The following DGKB variants were observed in gnomAD, a reference collection of about 807,000 sequenced individuals.
The protein encoded by DGKB is 90 kDa diacylglycerol kinase.
A neutral mutation model predicts 114.3 loss-of-function variants in DGKB; 67 were observed. That is an observed-to-expected ratio of 0.59 (90% CI 0.48 to 0.72). DGKB has a LOEUF of 0.72. Among genes scored for constraint, DGKB ranks in the 30% least tolerant of loss-of-function variants. The pLI is 0.00. For synonymous variants in DGKB, 398 were observed against 323.1 expected (o/e 1.23, Z -2.49); for missense variants, 907 against 975.2 (o/e 0.93, Z 0.93).
chr7:14,889,945 T>C (rs181842207), intron 1 of DGKB, among the ~76,000 whole-genome samples: 144 of 151,648 alleles, frequency 9.5e-4, no homozygotes, highest in Middle Eastern at 6.8e-3. Flanking sequence ...CAGAAATACA[T>C]TAACCCCTTT....
At chr7:14,428,262 C>A (rs1827884273) in intron 21 of DGKB, among the ~76,000 whole-genome samples, 1 of 151,970 alleles carries the variant, frequency 6.6e-6, no homozygotes, top group African/African-American at 2.4e-5. Flanking sequence ...GTTCTCTGAG[C>A]CCCTTATTAC....
At chr7:14,363,610 G>A (rs774442306) in intron 21 of DGKB, among the ~76,000 whole-genome samples, 3 of 151,958 alleles carry the variant, frequency 2.0e-5, no homozygotes, top group Non-Finnish European at 2.9e-5. Context: ...AGTGGGTTAC[G>A]GTTAGGTATT....
intron 21 of DGKB, among the ~76,000 whole-genome samples, chr7:14,409,982 A>G (rs916316184): frequency 3.3e-5 from 5 of 152,094 alleles, no homozygotes; most frequent in African/African-American, 1.2e-4. Context: ...TAAGGCTTCT[A>G]CTTAACAACA....
intron 25 of DGKB, among the ~76,000 whole-genome samples, chr7:14,152,715 A>T (rs562177820): frequency 6.0e-4 from 91 of 152,252 alleles, no homozygotes; most frequent in African/African-American, 2.1e-3. Flanking sequence ...GCACATATAG[A>T]AACCAGTAAC....
intron 14 of DGKB, among the ~76,000 whole-genome samples, chr7:14,629,230 T>G (rs1177196990): frequency 6.6e-6 from 1 of 152,080 alleles, no homozygotes; most frequent in Non-Finnish European, 1.5e-5. Flanking sequence ...CATCTCTATT[T>G]TATAATAATA....
chr7:14,181,886 T>TAAA (rs1782681815), intron 23 of DGKB, among the ~76,000 whole-genome samples: 1 of 152,186 alleles, frequency 6.6e-6, no homozygotes, highest in Non-Finnish European at 1.5e-5. Context: ...ATTAGGTATT[T>TAAA]TCACATTTAA....
At chr7:14,948,092 G>A (rs911584944) in intron 1 of DGKB, among the ~76,000 whole-genome samples, 9 of 151,574 alleles carry the variant, frequency 5.9e-5, no homozygotes, top group Non-Finnish European at 1.2e-4. Flanking sequence ...GAAGGGGGCC[G>A]TATCAACAAA....
intron 21 of DGKB, among the ~76,000 whole-genome samples, chr7:14,360,397 G>T (rs1364262362): frequency 6.6e-6 from 1 of 151,724 alleles, no homozygotes; most frequent in Non-Finnish European, 1.5e-5. Flanking sequence ...AGCTAACATG[G>T]CACATGTATA....
At chr7:14,882,375 AG>A (rs1356111700) in intron 1 of DGKB, among the ~76,000 whole-genome samples, 4 of 152,038 alleles carry the variant, frequency 2.6e-5, no homozygotes, top group African/African-American at 9.7e-5. Context: ...GGGATGAGGT[AG>A]GATTATAGAT....
At chr7:14,881,843 C>G (rs1562802486) in intron 1 of DGKB, among the ~76,000 whole-genome samples, 1 of 151,956 alleles carries the variant, frequency 6.6e-6, no homozygotes, top group African/African-American at 2.4e-5. Context: ...ATACCATAAC[C>G]TAAAGGTTAG....
At chr7:14,308,898 A>G (rs1158383392) in intron 23 of DGKB, among the ~76,000 whole-genome samples, 1 of 152,186 alleles carries the variant, frequency 6.6e-6, no homozygotes, top group Non-Finnish European at 1.5e-5. Flanking sequence ...TGAGTTAAAT[A>G]GTCTGAGTTT....
intron 23 of DGKB, among the ~76,000 whole-genome samples, chr7:14,280,123 A>C (rs2128452364): frequency 6.6e-6 from 1 of 151,628 alleles, no homozygotes; most frequent in African/African-American, 2.4e-5. Context: ...AAAAATTTAG[A>C]AGAATGTATA....
At chr7:14,934,567 C>T (rs36871) in intron 1 of DGKB, among the ~76,000 whole-genome samples, 151,090 of 152,266 alleles carry the variant, frequency 0.99, 74,963 homozygotes, top group East Asian at 1. Flanking sequence ...AGACAAGCAA[C>T]AAGAAATCAT....
chr7:14,754,608 G>T (rs557248208), intron 3 of DGKB, among the ~76,000 whole-genome samples: 1 of 151,948 alleles, frequency 6.6e-6, no homozygotes, highest in Admixed American at 6.6e-5. Flanking sequence ...TGCTAAACTG[G>T]TTTCCCCTCA....
intron 2 of DGKB, among the ~76,000 whole-genome samples, chr7:14,774,450 A>T (rs1266242985): frequency 6.6e-6 from 1 of 152,164 alleles, no homozygotes; most frequent in Non-Finnish European, 1.5e-5. Flanking sequence ...AATGTCAAAA[A>T]TCTTAGGTCT....
At chr7:14,950,602 G>A (rs1162819107) in intron 1 of DGKB, among the ~76,000 whole-genome samples, 1 of 151,848 alleles carries the variant, frequency 6.6e-6, no homozygotes, top group Non-Finnish European at 1.5e-5. Context: ...AAGGCAACAG[G>A]TTAAATCAAG....
At chr7:14,844,569 T>G (rs908238918) in intron 1 of DGKB, among the ~76,000 whole-genome samples, 1 of 152,250 alleles carries the variant, frequency 6.6e-6, no homozygotes, top group Admixed American at 6.5e-5. Flanking sequence ...TGTCAGTATC[T>G]TCATTGAGTT....
chr7:14,889,767 C>G (rs1780893513), intron 1 of DGKB, among the ~76,000 whole-genome samples: 1 of 151,318 alleles, frequency 6.6e-6, no homozygotes, highest in Admixed American at 6.6e-5. Context: ...TCCAAACTGA[C>G]AAAAACAAAA....
intron 6 of DGKB, among the ~76,000 whole-genome samples, chr7:14,707,560 A>C (rs1826518211): frequency 1.1e-5 from 1 of 93,026 alleles, no homozygotes; most frequent in Non-Finnish European, 2.2e-5. Context: ...TTGATGCAAA[A>C]ATCCTCAATA....
Sources: allele counts gnomAD v4.1 joint callset (sites outside exome capture counted in the v4.1 genomes callset), GRCh38; gene constraint gnomAD v4.1.1; transcripts MANE v1.5; gene names NCBI Gene and HGNC (gene_info 2026-07-23, HGNC 2026-07-21).